Variants in SMAD9 observed in about 807,000 individuals in gnomAD.
SMAD9 encodes SMAD family member 9.
A neutral mutation model predicts 46.1 loss-of-function variants in SMAD9; 36 were observed. The observed-to-expected ratio is 0.78, with a 90% CI of 0.60 to 1.03. The LOEUF (loss-of-function observed/expected upper bound fraction) is 1.03. Among genes scored for constraint, SMAD9 ranks in the 50% least tolerant of loss-of-function variants. The pLI is 0.00. For missense variants in SMAD9, 572 were observed against 599.8 expected, an observed-to-expected ratio of 0.95 and a Z score of 0.48; for synonymous variants, 245 against 237.1, an observed-to-expected ratio of 1.03 and a Z score of -0.31.
At chr13:36,866,855 C>G (rs774266146) in intron 4 of SMAD9, among the ~76,000 whole-genome samples, 3 of 152,120 alleles carry the variant, frequency 2.0e-5, no homozygotes, top group Non-Finnish European at 2.9e-5. Context: ...CTTATCTAGA[C>G]TATTATAAGA....
chr13:36,866,588 A>G (rs1462443076), intron 4 of SMAD9, among the ~76,000 whole-genome samples: 4 of 152,196 alleles, frequency 2.6e-5, no homozygotes, highest in Non-Finnish European at 5.9e-5. Flanking sequence ...TAAATTTATG[A>G]AACAGATAAA....
rs746974981 is a variant in SMAD9, at chr13:36,853,522, T to C, written c.1157A>G (p.Asn386Ser). 1 of 1,614,180 alleles carries C rather than the reference T, an allele frequency of 6.2e-7. No individual in the cohort carries two copies. The highest frequency in any genetic ancestry group is 1.1e-5 in the South Asian group (1 of 91,082). Residue 386 changes from asparagine to serine, a missense_variant, in exon 6 of 7, where the codon AAC becomes AGC. By Grantham distance (46) the Asn-to-Ser change is conservative (BLOSUM62 1). Coordinates refer to ENST00000379826, the MANE Select transcript of SMAD9 (RefSeq NM_001127217.3). ...IPSGCSLKVF[N>S]NQLFAQLLAQ... ...CAGGAGCTGAGCGAAGAGCTGGTTG[T>C]TGAAGACCTTGAGGCTGCAGCCGCT...
intron 3 of SMAD9, among the ~76,000 whole-genome samples, chr13:36,871,343 C>G (rs2058292116): frequency 6.6e-6 from 1 of 152,080 alleles, no homozygotes; most frequent in Non-Finnish European, 1.5e-5. Flanking sequence ...CATGGTGAAA[C>G]CCCGTCTCTA....
At position 36,885,129 on chromosome 13, in the gene SMAD9, G is replaced by C. The variant is rs557481218; in HGVS notation, c.-186-5254C>G. Among the ~76,000 whole-genome samples the C allele has an allele frequency of 2.0e-5, 3 of 152,280 alleles. No individual in the cohort carries two copies. In the South Asian group the frequency reaches 6.2e-4, roughly 32 times the overall value. On this transcript the variant is annotated intron_variant, in intron 1 of 6. Transcript: ENST00000379826. Reference sequence around the variant, plus strand: ...TTAGAAAGTGAACACATTTGCTGAAGGAACATTTAATCCCCTCCAAGAAAC... The same window carrying C: ...TTAGAAAGTGAACACATTTGCTGAACGAACATTTAATCCCCTCCAAGAAAC...
At chr13:36,913,483 T>G (rs967792550) in intron 1 of SMAD9, among the ~76,000 whole-genome samples, 5 of 152,102 alleles carry the variant, frequency 3.3e-5, no homozygotes, top group Non-Finnish European at 7.4e-5. Flanking sequence ...CCCACAAAAT[T>G]GCAACACTTT....
intron 1 of SMAD9, among the ~76,000 whole-genome samples, chr13:36,910,666 C>CT (rs1425270725): frequency 1.3e-5 from 2 of 152,198 alleles, no homozygotes; most frequent in Admixed American, 6.5e-5. Flanking sequence ...CTGTGCAGCT[C>CT]TATCTTTCCT....
intron 5 of SMAD9, among the ~76,000 whole-genome samples, chr13:36,863,468 C>G (rs2058203066): frequency 6.6e-6 from 1 of 152,146 alleles, no homozygotes; most frequent in South Asian, 2.1e-4. Context: ...GGCTTCTTAA[C>G]CCTAAAGACG....
At chr13:36,865,794 G>T in intron 4 of SMAD9, 36 bp from the exon 5 acceptor site, 1 of 1,515,456 alleles carries the variant, frequency 6.6e-7, no homozygotes. Flanking sequence ...CATGGCTACT[G>T]TCATACCTGG....
At chr13:36,915,347 T>C (rs181778455) in intron 1 of SMAD9, among the ~76,000 whole-genome samples, 6 of 152,306 alleles carry the variant, frequency 3.9e-5, no homozygotes, top group East Asian at 3.9e-4. Flanking sequence ...AAACTGAAGA[T>C]TGCTTTTCGC....
At chr13:36,871,578 A>T (rs1250561366) in intron 3 of SMAD9, among the ~76,000 whole-genome samples, 1 of 152,242 alleles carries the variant, frequency 6.6e-6, no homozygotes, top group Admixed American at 6.5e-5. Context: ...TTTATTCAAT[A>T]AGCAACTGAT....
intron 1 of SMAD9, among the ~76,000 whole-genome samples, chr13:36,900,173 T>C (rs1324448597): frequency 2.6e-5 from 4 of 152,344 alleles, no homozygotes; most frequent in Admixed American, 2.0e-4. Flanking sequence ...TTCAAAGCAC[T>C]TACTGTTTTT....
chr13:36,887,983 A>G (rs1267374657), intron 1 of SMAD9, among the ~76,000 whole-genome samples: 1 of 152,180 alleles, frequency 6.6e-6, no homozygotes, highest in Admixed American at 6.5e-5. Context: ...CATAGAAAAC[A>G]AAAGGCAAAC....
intron 6 of SMAD9, chr13:36,849,458 C>T (rs1455976207): frequency 6.6e-6 from 1 of 152,152 alleles, no homozygotes; most frequent in Non-Finnish European, 1.5e-5. Context: ...TGACTGGGAG[C>T]AGTGATTCTC....
In SMAD9 at chr13:36,848,608, CTGAAA is replaced by C; in HGVS notation, c.*63_*67del. ...GTTTTTAGAAACTTCAGTTGCAAAT[CTGAAA>C]TGATACAAGCCACTCCCTGCAATAG... On this transcript the variant is annotated 3_prime_UTR_variant, in exon 7 of 7. Transcript: ENST00000379826. The C allele has an allele frequency of 6.8e-7, 1 of 1,461,484 alleles. No homozygotes were observed. Among genetic ancestry groups the C allele is most frequent in the South Asian group, 1.1e-5 (1 of 87,816 alleles). 90.5% of individuals were successfully genotyped at this position (1,461,484 alleles called of 1,614,324 possible). A position where few individuals can be genotyped will look rare whatever the true frequency, so the allele number is the denominator to read the frequency against.
rs375828906 is a variant in SMAD9, at chr13:36,903,126, GTTTTTT to G, written c.-187+16984_-187+16989del. Among the ~76,000 whole-genome samples the G allele has an allele frequency of 5.8e-4, 74 of 127,622 alleles. 1 individual carries two copies. Among genetic ancestry groups the G allele is most frequent in the African/African-American group, 1.9e-3 (67 of 34,618 alleles). The allele number at this position is 127,622 out of a possible 152,430, so 83.7% of individuals were successfully genotyped here. On this transcript the variant is annotated intron_variant, in intron 1 of 6. Coordinates refer to ENST00000379826, the MANE Select transcript of SMAD9 (RefSeq NM_001127217.3). Reference sequence around the variant, plus strand: ...GGGCTCTTTCTTTTTTTTTCTTTTGGTTTTTTTTTTTTTTTTTTGAGACAGAGTCTT... The same window carrying G: ...GGGCTCTTTCTTTTTTTTTCTTTTGGTTTTTTTTTTTTGAGACAGAGTCTT...
At chr13:36,915,080 C>T (rs1287184936) in intron 1 of SMAD9, among the ~76,000 whole-genome samples, 1 of 152,184 alleles carries the variant, frequency 6.6e-6, no homozygotes, top group African/African-American at 2.4e-5. Flanking sequence ...TCATTTAAGG[C>T]AAATGGCCCA....
At chr13:36,918,235 C>G (rs188150227) in intron 1 of SMAD9, among the ~76,000 whole-genome samples, 156 of 152,278 alleles carry the variant, frequency 1.0e-3, no homozygotes, top group Non-Finnish European at 2.0e-3. Flanking sequence ...TGTGGCAATT[C>G]TAAAGTACTT....
At position 36,882,239 on chromosome 13, in the gene SMAD9, GT is replaced by G. The variant is rs2058409753; in HGVS notation, c.-186-2365del. ...TCACAGGTATGTGCTGTGTGTGTGTGTGTGTGTGTGTGTGTGTGTGTATGTG... is the reference window on the plus strand; with the variant it reads ...TCACAGGTATGTGCTGTGTGTGTGTGGTGTGTGTGTGTGTGTGTGTATGTG... On this transcript the variant is annotated intron_variant, in intron 1 of 6. Transcript: ENST00000379826. 2.0e-5 allele frequency among the ~76,000 whole-genome samples: 3 copies of G among 147,246 alleles called. No homozygotes were observed. The South Asian group carries it at 6.2e-4, about 31-fold the overall frequency.
Position 36,879,432 on chromosome 13 carries a change from G to T in SMAD9, c.258C>A (p.Gly86=), listed in dbSNP as rs1327396937. The part of the protein sequence containing the change: ...DGRLQVSHRK[G]LPHVIYCRVW... ...CGCGACAGTAAATCACATGGGGCAG[G>T]CCCTTGCGGTGGGACACCTGCAGCC... Residue 86 remains glycine (G), a synonymous_variant, in exon 2 of 7, where the codon GGC becomes GGA. Transcript: ENST00000379826. The T allele has an allele frequency of 5.6e-6, 9 of 1,613,804 alleles. No homozygotes were observed. Among genetic ancestry groups the T allele is most frequent in the Non-Finnish European group, 7.6e-6 (9 of 1,180,042 alleles).
Sources: allele counts gnomAD v4.1 joint callset (sites outside exome capture counted in the v4.1 genomes callset), GRCh38; gene constraint gnomAD v4.1.1; transcripts MANE v1.5; gene names NCBI Gene and HGNC (gene_info 2026-07-23, HGNC 2026-07-21).